The following RAD52 variants were observed in gnomAD, a reference collection of about 807,000 sequenced individuals.
RAD52 encodes DNA repair protein RAD52 homolog.
A neutral mutation model predicts 55.5 loss-of-function variants in RAD52; 47 were observed. That is an observed-to-expected ratio of 0.85 (90% CI 0.67 to 1.08). The LOEUF is 1.08. RAD52 is among the 50% of genes least tolerant of loss of function. RAD52 has a pLI of 0.00. For missense variants in RAD52, 468 were observed against 522.8 expected (o/e 0.90, Z 1.02); for synonymous variants, 184 against 198.9 (o/e 0.92, Z 0.63).
At position 961,218 on chromosome 12, in the gene RAD52, G is replaced by A. The variant is rs564746498; in HGVS notation, c.-18-28142C>T. 3.3e-5 allele frequency among the ~76,000 whole-genome samples: 5 copies of A among 149,386 alleles called. No homozygotes were observed. In the East Asian group the frequency reaches 1.0e-3, roughly 31 times the overall value. On this transcript the variant is annotated intron_variant, in intron 1 of 11. Transcript: ENST00000430095. ...CCAGCTACTTGGGAGGCTGAGGCAGGAGAATCGCTTGAACCTGGGAGGCAG... is the reference window on the plus strand; with the variant it reads ...CCAGCTACTTGGGAGGCTGAGGCAGAAGAATCGCTTGAACCTGGGAGGCAG...
Position 914,498 on chromosome 12 carries a change from A to G in RAD52, c.900T>C (p.Thr300=), listed in dbSNP as rs1956251478. 5.6e-6 allele frequency: 9 copies of G among 1,613,704 alleles called. No homozygotes were observed. Among genetic ancestry groups the G allele is most frequent in the Middle Eastern group, 1.7e-4 (1 of 5,982 alleles). Residue 300 remains threonine (T), a synonymous_variant, in exon 10 of 12, where the codon ACT becomes ACC. Transcript: ENST00000358495. ...GGAGTGGTTCTGAGACAGTTACAGGAGTGCTGTGCGTCACAGGAGGGGCCG... is the reference window on the plus strand; with the variant it reads ...GGAGTGGTTCTGAGACAGTTACAGGGGTGCTGTGCGTCACAGGAGGGGCCG... ...APPAPPVTHS[T]PVTVSEPLLE... is the part of the protein sequence containing the mutation.
rs757441396 is a variant in RAD52 at position 930,157 on chromosome 12, A to AT, written c.187-14dup. 1 of 1,586,618 alleles carries AT rather than the reference A, an allele frequency of 6.3e-7. No individual in the cohort carries two copies. Among genetic ancestry groups the AT allele is most frequent in the South Asian group, 1.1e-5 (1 of 89,080 alleles). ...CAATGTAGCACACCTAGAAAAACAA[A>AT]TGTTTTTAAGGAAAAGCTGTGTTAA... On this transcript the variant is annotated splice_polypyrimidine_tract_variant and intron_variant, in intron 3 of 11. Transcript: ENST00000358495.
chr12:970,318 CAAAAAA>C (rs4017793), intron 1 of RAD52, among the ~76,000 whole-genome samples: 2 of 67,182 alleles, frequency 3.0e-5, no homozygotes, highest in African/African-American at 6.2e-5. Flanking sequence ...GACATCATCT[CAAAAAA>C]AAAAAAAAAA....
intron 7 of RAD52, among the ~76,000 whole-genome samples, chr12:917,088 G>A (rs1158867910): frequency 6.6e-6 from 1 of 152,120 alleles, no homozygotes; most frequent in East Asian, 1.9e-4. Flanking sequence ...TGGGCTGCTG[G>A]GTCTGTCTTT....
At chr12:977,592 T>G (rs528866516) in intron 1 of RAD52, among the ~76,000 whole-genome samples, 98 of 152,302 alleles carry the variant, frequency 6.4e-4, no homozygotes, top group African/African-American at 1.3e-3. Flanking sequence ...TGTCTGACAT[T>G]CTTTGGGACC....
intron 1 of RAD52, among the ~76,000 whole-genome samples, chr12:979,630 A>C (rs1350246430): frequency 2.0e-5 from 3 of 152,176 alleles, no homozygotes; most frequent in Non-Finnish European, 4.4e-5. Flanking sequence ...GGCTGTCTGC[A>C]ATCAGGAAGA....
At chr12:931,095 T>C in intron 3 of RAD52, 125 bp downstream of exon 3, 1 of 698,722 alleles carries the variant, frequency 1.4e-6, no homozygotes, top group Non-Finnish European at 2.3e-6. Context: ...CCAGGGGCAC[T>C]GGGAGACCTC....
In RAD52 at chr12:919,787, T is replaced by C. The variant is rs1259182789; in HGVS notation, c.544-2967A>G. On this transcript the variant is annotated intron_variant, in intron 7 of 11. Coordinates refer to ENST00000358495, the MANE Select transcript of RAD52 (RefSeq NM_134424.4). The stretch of plus-strand genomic sequence containing the variant: ...AAAAATCTGGGCTCAGCGTGGTGGC[T>C]CACGCCTGTAATCCCAACACCTTGG... 1.8e-5 allele frequency among the ~76,000 whole-genome samples: 2 copies of C among 111,134 alleles called. 1 individual carries two copies. The highest frequency in any genetic ancestry group is 3.8e-5 in the Non-Finnish European group (2 of 53,326). The allele number at this position is 111,134 out of a possible 152,430, so 72.9% of individuals were successfully genotyped here.
chr12:981,939 G>A (rs927005005), intron 1 of RAD52, among the ~76,000 whole-genome samples: 4 of 152,152 alleles, frequency 2.6e-5, no homozygotes, highest in South Asian at 2.1e-4. Flanking sequence ...GCATCACCAC[G>A]TTGGCCCTAT....
intron 1 of RAD52, among the ~76,000 whole-genome samples, chr12:973,684 G>T (rs548959997): frequency 2.0e-5 from 3 of 151,494 alleles, no homozygotes; most frequent in African/African-American, 7.3e-5. Flanking sequence ...TCACCATATT[G>T]TGCAGACTGG....
At chr12:988,930 T>A (rs1429092176) in intron 1 of RAD52, among the ~76,000 whole-genome samples, 4 of 151,340 alleles carry the variant, frequency 2.6e-5, no homozygotes, top group Non-Finnish European at 4.4e-5. Context: ...AAAAACCATA[T>A]CCAAACCATA....
chr12:915,770 TGCAGTGGCAC>T (rs1292835302), intron 9 of RAD52, among the ~76,000 whole-genome samples: 2 of 151,972 alleles, frequency 1.3e-5, no homozygotes, highest in African/African-American at 4.8e-5. Flanking sequence ...CAGGCTGGAG[TGCAGTGGCAC>T]GATCTTGGTT....
chr12:969,263 C>T (rs908124334), intron 1 of RAD52, among the ~76,000 whole-genome samples: 5 of 151,994 alleles, frequency 3.3e-5, no homozygotes, highest in Non-Finnish European at 5.9e-5. Context: ...GGAACAACTA[C>T]ATATATTTGC....
intron 1 of RAD52, among the ~76,000 whole-genome samples, chr12:983,907 T>G (rs1219859336): frequency 1.3e-5 from 2 of 152,182 alleles, no homozygotes; most frequent in African/African-American, 4.8e-5. Context: ...CTTCAACATA[T>G]GAATTTTGGA....
intron 2 of RAD52, among the ~76,000 whole-genome samples, chr12:932,488 C>T (rs1758709323): frequency 2.0e-5 from 3 of 150,758 alleles, no homozygotes; most frequent in Non-Finnish European, 3.0e-5. Context: ...AAGCAAGACT[C>T]AGTCTCGAAA....
At chr12:928,862 G>A (rs1208824560) in intron 5 of RAD52, among the ~76,000 whole-genome samples, 1 of 152,034 alleles carries the variant, frequency 6.6e-6, no homozygotes, top group Non-Finnish European at 1.5e-5. Flanking sequence ...ACAGGCAAAG[G>A]CAGAGAAGCA....
intron 1 of RAD52, among the ~76,000 whole-genome samples, chr12:971,781 G>A (rs909902178): frequency 1.5e-4 from 23 of 151,262 alleles, no homozygotes; most frequent in Non-Finnish European, 2.5e-4. Context: ...ACGGAGTCTC[G>A]CTGTCGCCCA....
chr12:934,119 CA>C (rs777525699), intron 1 of RAD52, among the ~76,000 whole-genome samples: 2 of 133,066 alleles, frequency 1.5e-5, no homozygotes, highest in Admixed American at 7.6e-5. Context: ...AAAAAAAAAA[CA>C]AAAAAAAAGG....
intron 9 of RAD52, 98 bp from the exon 10 acceptor site, chr12:914,630 C>T (rs1330906792): frequency 2.1e-6 from 3 of 1,441,258 alleles, no homozygotes; most frequent in Non-Finnish European, 2.8e-6. Flanking sequence ...AGGGAACACT[C>T]TCCGAAGCAC....
Sources: gnomAD v4.1 joint callset for allele counts (sites outside exome capture counted in the v4.1 genomes callset) on GRCh38, gnomAD v4.1.1 for gene constraint, MANE v1.5 for transcripts, NCBI Gene and HGNC (gene_info 2026-07-23, HGNC 2026-07-21) for gene names.